ACAD10: variants seen among roughly 807,000 people sequenced by gnomAD.
ACAD10 encodes the protein acyl-CoA dehydrogenase family member 10.
ACAD10 carries 112 observed loss-of-function variants against 116.8 expected under a neutral mutation model. That is an observed-to-expected ratio of 0.96 (90% confidence interval 0.82 to 1.12). ACAD10 has a LOEUF of 1.12. Ranked by LOEUF, ACAD10 falls within the 50% of genes most tolerant of loss-of-function variation. The pLI, the probability that ACAD10 is intolerant of heterozygous loss-of-function variation, is 0.00. For synonymous variants in ACAD10, 486 were observed against 510.6 expected, an observed-to-expected ratio of 0.95 and a Z score of 0.65; for missense variants, 1,259 against 1,350.2, an observed-to-expected ratio of 0.93 and a Z score of 1.06.
intron 8 of ACAD10, among the ~76,000 whole-genome samples, chr12:111,727,456 G>A (rs1889248173): frequency 1.3e-5 from 2 of 151,852 alleles, no homozygotes; most frequent in African/African-American, 2.4e-5. Flanking sequence ...CCTGGGAGGC[G>A]GAGCTTGCAG....
chr12:111,747,635 A>G (rs1257801640), intron 16 of ACAD10: 66 of 1,310,138 alleles, frequency 5.0e-5, no homozygotes, highest in Non-Finnish European at 6.2e-5. Flanking sequence ...GCCTCCCTGC[A>G]CATGTGACCC....
At chr12:111,714,127 C>T (rs1447232658) in intron 6 of ACAD10, among the ~76,000 whole-genome samples, 1 of 151,668 alleles carries the variant, frequency 6.6e-6, no homozygotes, top group Non-Finnish European at 1.5e-5. Flanking sequence ...TGCCTGTAGC[C>T]CCAGCTACTT....
rs749427970 is a variant in ACAD10 at position 111,756,386 on chromosome 12, C to T, written c.3093C>T (p.Thr1031=). 1.2e-6 allele frequency: 2 copies of T among 1,611,998 alleles called. No homozygotes were observed. Among genetic ancestry groups the T allele is most frequent in the South Asian group, 1.1e-5 (1 of 90,732 alleles). Residue 1031 remains threonine, a synonymous_variant, in exon 21 of 21, where the codon ACC becomes ACT. Transcript: ENST00000313698. ...ACTACCCACTGGCTCAGTTCTTCACCTGGGCCCGAGCCCTGCGCTTTGCCG... is the reference window on the plus strand; with the variant it reads ...ACTACCCACTGGCTCAGTTCTTCACTTGGGCCCGAGCCCTGCGCTTTGCCG... The part of the protein sequence containing the change: ...SSDYPLAQFF[T]WARALRFADG...
rs994346139 is a variant in ACAD10, at chr12:111,736,764, A to G, written c.1541-67A>G. 1.3e-5 allele frequency: 20 copies of G among 1,514,282 alleles called. No homozygotes were observed. The African/African-American group carries it at 1.4e-4, about 11-fold the overall frequency. 93.8% of individuals were successfully genotyped at this position (1,514,282 alleles called of 1,614,324 possible). ...GGACATGGCGATTTTCAGAATTTAA[A>G]TATTTGCCAGCCACAGGGGCGTGTC... On this transcript the variant is annotated intron_variant, in intron 11 of 20. Coordinates refer to ENST00000313698, the MANE Select transcript of ACAD10 (RefSeq NM_025247.6).
chr12:111,711,869 TTTTAGTTCCTGCAA>T (rs1888695956), intron 5 of ACAD10, among the ~76,000 whole-genome samples: 1 of 152,232 alleles, frequency 6.6e-6, no homozygotes, highest in Non-Finnish European at 1.5e-5. Flanking sequence ...TATTTTATGT[TTTTAGTTCCTGCAA>T]TTTAGTCTAA....
At chr12:111,703,891 A>G (rs1452188736) in intron 3 of ACAD10, among the ~76,000 whole-genome samples, 3 of 149,488 alleles carry the variant, frequency 2.0e-5, no homozygotes, top group Non-Finnish European at 4.4e-5. Flanking sequence ...TGTGTTACAT[A>G]TATTTTCCAC....
intron 2 of ACAD10, among the ~76,000 whole-genome samples, chr12:111,699,127 C>T (rs2135947332): frequency 6.6e-6 from 1 of 152,288 alleles, no homozygotes; most frequent in African/African-American, 2.4e-5. Context: ...AATCTGCCCA[C>T]CTCTGCCTCT....
At position 111,705,725 on chromosome 12, in the gene ACAD10, C is replaced by T. The variant is rs1279612255; in HGVS notation, c.337-13C>T. On this transcript the variant is annotated splice_polypyrimidine_tract_variant and intron_variant, in intron 3 of 20. Coordinates refer to ENST00000313698, the MANE Select transcript of ACAD10 (RefSeq NM_025247.6). Reference sequence around the variant, plus strand: ...AATGATTGCTGTTCTCCTGTGCCCTCTCCTGTTCTTAGTTAAAGACCTCCG... The same window carrying T: ...AATGATTGCTGTTCTCCTGTGCCCTTTCCTGTTCTTAGTTAAAGACCTCCG... 5.6e-6 allele frequency: 9 copies of T among 1,612,570 alleles called. No homozygotes were observed. Among genetic ancestry groups the T allele is most frequent in the Non-Finnish European group, 7.6e-6 (9 of 1,179,006 alleles).
In ACAD10 at chr12:111,702,755, C is replaced by T. The variant is rs115699778; in HGVS notation, c.336+445C>T. Among the ~76,000 whole-genome samples, 930 of 152,042 alleles carry T rather than the reference C, an allele frequency of 6.1e-3. 9 individuals carry two copies. Among genetic ancestry groups the T allele is most frequent in the African/African-American group, 0.021 (873 of 41,456 alleles). ...AAAAAAAATAATAATAAAGTTATTT[C>T]TTTCACCCCTAGGTGTTCAATGTTC... is the stretch of plus-strand genomic sequence containing the variant. On this transcript the variant is annotated intron_variant, in intron 3 of 20. Transcript: ENST00000313698.
intron 9 of ACAD10, among the ~76,000 whole-genome samples, chr12:111,729,333 G>C (rs573825630): frequency 6.6e-6 from 1 of 152,154 alleles, no homozygotes; most frequent in Non-Finnish European, 1.5e-5. Flanking sequence ...CGCCTCCTGG[G>C]TTCAAGCGAT....
At chr12:111,721,031 C>G (rs1047272403) in intron 7 of ACAD10, among the ~76,000 whole-genome samples, 1 of 152,050 alleles carries the variant, frequency 6.6e-6, no homozygotes, top group African/African-American at 2.4e-5. Context: ...CAGTCCTCCC[C>G]CTCAGCCTCC....
At chr12:111,686,817 TGA>T (rs2135937444) in intron 1 of ACAD10, among the ~76,000 whole-genome samples, 1 of 152,356 alleles carries the variant, frequency 6.6e-6, no homozygotes, top group African/African-American at 2.4e-5. Flanking sequence ...AAATGTTTAC[TGA>T]GAGTCTAGAC....
Position 111,715,856 on chromosome 12 carries a change from TCAAA to T in ACAD10, c.887_890del (p.Ser296PhefsTer13). 1 of 1,614,158 alleles carries T rather than the reference TCAAA, an allele frequency of 6.2e-7. No individual in the cohort carries two copies. Among genetic ancestry groups the T allele is most frequent in the East Asian group, 2.2e-5 (1 of 44,866 alleles). ...ACTACTTCAGTTTGATCACGGGCAG[TCAAA>T]TCCAACTTACTACATCAGGCTGGCT... On this transcript the variant is annotated frameshift_variant, in exon 7 of 21. Coordinates refer to ENST00000313698, the MANE Select transcript of ACAD10 (RefSeq NM_025247.6). LOFTEE classifies it high-confidence loss of function.
At position 111,721,658 on chromosome 12, in the gene ACAD10, T is replaced by C. The variant is rs1889017280; in HGVS notation, c.993-13T>C. The C allele has an allele frequency of 2.0e-5, 32 of 1,583,740 alleles. No homozygotes were observed. The highest frequency in any genetic ancestry group is 2.7e-5 in the Non-Finnish European group (31 of 1,159,292). ...CAGCCAGCAATTTTGTTTATTTTCATTTGTCCTTGCAGGATTATGAAAGCC... is the reference window on the plus strand; with the variant it reads ...CAGCCAGCAATTTTGTTTATTTTCACTTGTCCTTGCAGGATTATGAAAGCC... On this transcript the variant is annotated splice_polypyrimidine_tract_variant and intron_variant, in intron 7 of 20. Transcript: ENST00000313698.
intron 5 of ACAD10, among the ~76,000 whole-genome samples, chr12:111,711,601 T>C (rs1888688256): frequency 6.7e-6 from 1 of 149,692 alleles, no homozygotes; most frequent in Non-Finnish European, 1.5e-5. Flanking sequence ...CTTGGCTCAC[T>C]GCAAGCTCCA....
In ACAD10 at chr12:111,732,085, A is replaced by C. The variant is rs113433473; in HGVS notation, c.1395-1838A>C. 9.9e-3 allele frequency among the ~76,000 whole-genome samples: 1,504 copies of C among 152,278 alleles called. 22 individuals are homozygous for C. The highest frequency in any genetic ancestry group is 0.034 in the African/African-American group (1,413 of 41,556). The stretch of plus-strand genomic sequence containing the variant: ...GACAGAGTGAGACTCCATCTCAAAA[A>C]ACAACAAAAAAAGAAAAGTAATGGG... On this transcript the variant is annotated intron_variant, in intron 10 of 20. Transcript: ENST00000313698.
At chr12:111,725,878 A>G (rs1056865540) in intron 8 of ACAD10, among the ~76,000 whole-genome samples, 6 of 152,266 alleles carry the variant, frequency 3.9e-5, no homozygotes, top group African/African-American at 1.2e-4. Context: ...CTAACTAACA[A>G]TTATTTAATA....
intron 9 of ACAD10, among the ~76,000 whole-genome samples, chr12:111,728,370 C>CT (rs952412040): frequency 9.3e-5 from 14 of 149,798 alleles, no homozygotes; most frequent in South Asian, 2.1e-4. Flanking sequence ...TTCCCTGCAA[C>CT]TTTTTTTTTT....
At chr12:111,723,004 CGGGCGGGGGGCT>C (rs1889066527) in intron 8 of ACAD10, among the ~76,000 whole-genome samples, 1 of 148,428 alleles carries the variant, frequency 6.7e-6, no homozygotes, top group Non-Finnish European at 1.5e-5. Flanking sequence ...GGCGGGTGGC[CGGGCGGGGGGCT>C]GACCCCCCCC....
Sources: allele counts gnomAD v4.1 joint callset (sites outside exome capture counted in the v4.1 genomes callset), GRCh38; gene constraint gnomAD v4.1.1; transcripts MANE v1.5; gene names NCBI Gene and HGNC (gene_info 2026-07-23, HGNC 2026-07-21).